Variants in PSG4 observed in about 807,000 individuals in gnomAD.
PSG4 encodes pregnancy-specific beta-1-glycoprotein 4.
In PSG4, 61 loss-of-function variants were observed where a neutral mutation model predicts 44.3. The ratio of observed to expected loss-of-function variants is 1.38; its 90% CI spans 1.12 to 1.70. PSG4 has a LOEUF of 1.70. PSG4 is among the 40% of genes most tolerant of loss of function. PSG4 has a pLI of 0.00. For synonymous variants in PSG4, 248 were observed against 191.3 expected (o/e 1.30, Z -2.45); for missense variants, 677 against 511.7 (o/e 1.32, Z -3.12).
At position 43,205,605 on chromosome 19, in the gene PSG4, C is replaced by T; in HGVS notation, c.-69G>A. 1 of 1,435,446 alleles carries T rather than the reference C, an allele frequency of 7.0e-7. No homozygotes were observed. Among genetic ancestry groups the T allele is most frequent in the Non-Finnish European group, 9.3e-7 (1 of 1,071,670 alleles). The allele number at this position is 1,435,446 out of a possible 1,614,324, so 88.9% of individuals were successfully genotyped here. A position where few individuals can be genotyped will look rare whatever the true frequency, so the allele number is the denominator to read the frequency against. ...GGATCCAGAAGCTTCCTGAGTACGG[C>T]TGTCAGCTGTGCTGTCCTTCCTCCT... is the stretch of plus-strand genomic sequence containing the variant. On this transcript the variant is annotated 5_prime_UTR_variant, in exon 1 of 6. Coordinates refer to ENST00000405312, the MANE Select transcript of PSG4 (RefSeq NM_002780.5).
chr19:43,202,400 G>A (rs541822237), intron 2 of PSG4, among the ~76,000 whole-genome samples: 1 of 144,786 alleles, frequency 6.9e-6, no homozygotes, highest in South Asian at 2.2e-4. Flanking sequence ...GAGGTAGTGG[G>A]GGGATGAAAC....
rs1967278942 is a variant in PSG4, at chr19:43,197,007, T to C, written c.709+990A>G. On this transcript the variant is annotated intron_variant, in intron 3 of 5. Transcript: ENST00000405312. Reference sequence around the variant, plus strand: ...CCATATATTGATATCGTCTTTAATTTCTTTCAGCAATGTTTTGTAGTTTTC... The same window carrying C: ...CCATATATTGATATCGTCTTTAATTCCTTTCAGCAATGTTTTGTAGTTTTC... 2.7e-5 allele frequency among the ~76,000 whole-genome samples: 4 copies of C among 146,840 alleles called. 1 individual carries two copies. The highest frequency in any genetic ancestry group is 2.7e-4 in the Admixed American group (4 of 14,754).
At chr19:43,200,421 A>C (rs1483035884) in intron 2 of PSG4, among the ~76,000 whole-genome samples, 1 of 144,994 alleles carries the variant, frequency 6.9e-6, no homozygotes, top group Non-Finnish European at 1.5e-5. Context: ...ATTAAATATG[A>C]AGGCGAATAT....
Position 43,203,963 on chromosome 19 carries a change from C to T in PSG4, c.353G>A (p.Gly118Glu), listed in dbSNP as rs1190116989. ...CTTTATGATGTGTAAGGTGTAGGATCCTGCATCCTCCTGCGTGACATTCTG... is the reference window on the plus strand; with the variant it reads ...CTTTATGATGTGTAAGGTGTAGGATTCTGCATCCTCCTGCGTGACATTCTG... ...LIQNVTQEDAGSYTLHIIKRR... is the reference protein window; with the variant it reads ...LIQNVTQEDAESYTLHIIKRR... Residue 118 changes from glycine (G) to glutamate (E), a missense_variant, in exon 2 of 6, where the codon GGA (glycine) becomes GAA (glutamate). Gly to Glu is a moderately conservative substitution (Grantham distance 98, BLOSUM62 -2). Coordinates refer to ENST00000405312, the MANE Select transcript of PSG4 (RefSeq NM_002780.5). 1 of 1,587,250 alleles carries T rather than the reference C, an allele frequency of 6.3e-7. No individual in the cohort carries two copies. The highest frequency in any genetic ancestry group is 1.1e-5 in the South Asian group (1 of 89,940).
intron 4 of PSG4, 162 bp from the exon 5 acceptor site, chr19:43,194,756 T>C (rs1039634362): frequency 7.0e-7 from 1 of 1,423,870 alleles, no homozygotes; most frequent in African/African-American, 1.4e-5. Context: ...TATTCACCTG[T>C]TTCTCCCATC....
intron 3 of PSG4, 132 bp downstream of exon 3, chr19:43,197,865 A>T: frequency 6.4e-7 from 1 of 1,551,918 alleles, no homozygotes; most frequent in Non-Finnish European, 8.7e-7. Context: ...TGGGGCAGAA[A>T]GTCATGGCCA....
chr19:43,202,281 C>T (rs1296975270), intron 2 of PSG4, among the ~76,000 whole-genome samples: 8 of 143,766 alleles, frequency 5.6e-5, no homozygotes, highest in African/African-American at 2.7e-5. Context: ...TTCAGAGACC[C>T]CAGGGACCAG....
chr19:43,201,828 T>C lies in PSG4; in HGVS notation c.430+2058A>G, dbSNP rs191562369. On this transcript the variant is annotated intron_variant, in intron 2 of 5. Coordinates refer to ENST00000405312, the MANE Select transcript of PSG4 (RefSeq NM_002780.5). ...CAACATTTCAATAATTTTGTGTGTG[T>C]GTGTGTGTGTGTGCAGAAGGCCAGA... Among the ~76,000 whole-genome samples, 2 of 144,134 alleles carry C rather than the reference T, an allele frequency of 1.4e-5. 1 individual carries two copies. Among genetic ancestry groups the C allele is most frequent in the East Asian group, 4.9e-4 (2 of 4,122 alleles). The allele number at this position is 144,134 out of a possible 152,430, so 94.6% of individuals were successfully genotyped here.
chr19:43,197,439 G>T lies in PSG4; in HGVS notation c.709+558C>A, dbSNP rs1050911147. ...CCCCTCTATATGTTTTAGTGATTTG[G>T]GGGATAAAGCACACTTGTGCTGATT... On this transcript the variant is annotated intron_variant, in intron 3 of 5. Transcript: ENST00000405312. 1.2e-4 allele frequency among the ~76,000 whole-genome samples: 18 copies of T among 145,200 alleles called. 1 individual carries two copies. The highest frequency in any genetic ancestry group is 4.2e-4 in the African/African-American group (16 of 37,746).
chr19:43,202,102 A>G (rs1014081457), intron 2 of PSG4, among the ~76,000 whole-genome samples: 3 of 145,594 alleles, frequency 2.1e-5, no homozygotes, highest in Non-Finnish European at 4.5e-5. Flanking sequence ...AAAGGAACTG[A>G]ACAGCCAGAC....
At chr19:43,201,037 G>C (rs1967487255) in intron 2 of PSG4, among the ~76,000 whole-genome samples, 1 of 145,866 alleles carries the variant, frequency 6.9e-6, no homozygotes, top group Non-Finnish European at 1.5e-5. Context: ...TGATACAGGA[G>C]AAATGAGTCC....
chr19:43,204,572 C>G, intron 1 of PSG4: 1 of 321,580 alleles, frequency 3.1e-6, no homozygotes, highest in Non-Finnish European at 5.4e-6. Flanking sequence ...CCTTAGACTT[C>G]TTTCCTGATA....
chr19:43,201,575 A>G (rs761179085), intron 2 of PSG4, among the ~76,000 whole-genome samples: 3 of 145,080 alleles, frequency 2.1e-5, no homozygotes, highest in Admixed American at 6.8e-5. Flanking sequence ...GTCCCTACCT[A>G]GAGGCAGATT....
In PSG4 at chr19:43,193,299, G is replaced by A. The variant is rs1376621808; in HGVS notation, c.*73C>T. 1.6e-5 allele frequency: 12 copies of A among 773,868 alleles called. 1 individual carries two copies. The highest frequency in any genetic ancestry group is 2.9e-5 in the Non-Finnish European group (12 of 417,598). 47.9% of individuals were successfully genotyped at this position (773,868 alleles called of 1,614,324 possible). ...GAGTTGTCCACCTCCAGCTTATAGGGCTTCTGGAACAGAGTGGGTCTTGCT... is the reference window on the plus strand; with the variant it reads ...GAGTTGTCCACCTCCAGCTTATAGGACTTCTGGAACAGAGTGGGTCTTGCT... On this transcript the variant is annotated 3_prime_UTR_variant, in exon 6 of 6. Transcript: ENST00000405312.
At chr19:43,195,773 G>A (rs1361035312) in intron 3 of PSG4, among the ~76,000 whole-genome samples, 1 of 150,542 alleles carries the variant, frequency 6.6e-6, no homozygotes, top group African/African-American at 2.5e-5. Flanking sequence ...TCTGGCCTGG[G>A]ACTGGATGTT....
intron 4 of PSG4, 131 bp from the exon 5 acceptor site, chr19:43,194,725 T>C (rs1358527922): frequency 5.5e-6 from 8 of 1,464,774 alleles, no homozygotes; most frequent in Non-Finnish European, 7.3e-6. Context: ...CCCTCTATGT[T>C]CACTGAGCCG....
At chr19:43,193,444 C>A (rs1023628277) in intron 5 of PSG4, 56 bp from the exon 6 acceptor site, 11 of 765,400 alleles carry the variant, frequency 1.4e-5, no homozygotes, top group South Asian at 1.1e-4. Context: ...ATCTCATAAC[C>A]GGTGTACTAC....
Position 43,203,625 on chromosome 19 carries a change from A to C in PSG4, c.430+261T>G, listed in dbSNP as rs957738408. 43 of 555,280 alleles carry C rather than the reference A, an allele frequency of 7.7e-5. 8 individuals carry two copies. The African/African-American group carries it at 8.2e-4, about 11-fold the overall frequency. 34.4% of individuals were successfully genotyped at this position (555,280 alleles called of 1,614,324 possible). A position where few individuals can be genotyped will look rare whatever the true frequency, so the allele number is the denominator to read the frequency against. ...GAAGAGGGCATGAGGTGCTTGTCTG[A>C]GACTGATCTCCTCCTGCTGAGTCCC... On this transcript the variant is annotated intron_variant, in intron 2 of 5. Transcript: ENST00000405312.
rs1464688700 is a variant in PSG4 at position 43,203,700 on chromosome 19, C to T, written c.430+186G>A. ...AGCGAGTGTCTGCAGGGTCTGAATG[C>T]GGGAAAGGAATTCTGATCTGTTGAA... On this transcript the variant is annotated intron_variant, in intron 2 of 5. Transcript: ENST00000405312. 3.2e-5 allele frequency: 37 copies of T among 1,145,372 alleles called. 1 individual carries two copies. Among genetic ancestry groups the T allele is most frequent in the Non-Finnish European group, 4.0e-5 (33 of 832,620 alleles). The allele number at this position is 1,145,372 out of a possible 1,614,324, so 71.0% of individuals were successfully genotyped here.
Sources: gnomAD v4.1 joint callset for allele counts (sites outside exome capture counted in the v4.1 genomes callset) on GRCh38, gnomAD v4.1.1 for gene constraint, MANE v1.5 for transcripts, NCBI Gene and HGNC (gene_info 2026-07-23, HGNC 2026-07-21) for gene names.